DOK7: variants seen among roughly 807,000 people sequenced by gnomAD.
DOK7 encodes the protein protein Dok-7.
A neutral mutation model predicts 30.7 loss-of-function variants in DOK7; 32 were observed. That is an observed-to-expected ratio of 1.04 (90% CI 0.79 to 1.40). The LOEUF is 1.40. Among genes scored for constraint, DOK7 ranks in the 40% most tolerant of loss-of-function variants. DOK7 has a pLI of 0.00. For missense variants in DOK7, 1,007 were observed against 699.2 expected (o/e 1.44, Z -4.97); for synonymous variants, 447 against 324.1 (o/e 1.38, Z -4.07).
In DOK7 at chr4:3,493,247, C is replaced by G. The variant is rs762750080; in HGVS notation, c.1261C>G (p.Pro421Ala). ...CCTGGCTCCTAGAGACCACAGCCCCCCCTCACAGGGCAGCCCCGGCAACAG... is the reference window on the plus strand; with the variant it reads ...CCTGGCTCCTAGAGACCACAGCCCCGCCTCACAGGGCAGCCCCGGCAACAG... The part of the protein sequence containing the change: ...LCLAPRDHSP[P>A]SQGSPGNSAA... The change falls in exon 7 of 7, where the codon CCC becomes GCC. Residue 421 changes from proline (P) to alanine (A), a missense_variant. Transcript: ENST00000340083. 6.2e-6 allele frequency: 10 copies of G among 1,611,892 alleles called. No individual in the cohort carries two copies. Among genetic ancestry groups the G allele is most frequent in the Admixed American group, 3.3e-5 (2 of 59,964 alleles).
chr4:3,464,655 G>T (rs1726173190), intron 2 of DOK7, among the ~76,000 whole-genome samples: 1 of 152,196 alleles, frequency 6.6e-6, no homozygotes, highest in African/African-American at 2.4e-5. Context: ...ATGCTTGGTG[G>T]ATGGTGCTGG....
intron 5 of DOK7, 57 bp from the exon 6 acceptor site, chr4:3,489,620 C>A: frequency 6.4e-7 from 1 of 1,553,226 alleles, no homozygotes; most frequent in South Asian, 1.2e-5. Flanking sequence ...CTGGTGCCTG[C>A]GGGCGAGGGT....
chr4:3,473,909 G>A (rs1287832504), intron 3 of DOK7, among the ~76,000 whole-genome samples: 3 of 152,206 alleles, frequency 2.0e-5, no homozygotes, highest in Non-Finnish European at 4.4e-5. Context: ...GGCCTTTGGA[G>A]GGACGTGGCT....
chr4:3,492,715 C>G, intron 6 of DOK7, 44 bp from the exon 7 acceptor site: 1 of 1,587,674 alleles, frequency 6.3e-7, no homozygotes, highest in Non-Finnish European at 8.5e-7. Context: ...CCTGCCCAGA[C>G]CCCTGTACCC....
chr4:3,469,813 C>T (rs890401773), intron 2 of DOK7, among the ~76,000 whole-genome samples: 1 of 152,078 alleles, frequency 6.6e-6, no homozygotes, highest in South Asian at 2.1e-4. Flanking sequence ...AAAACAGGAT[C>T]GATTTATTGT....
At chr4:3,488,668 T>C (rs1727966271) in intron 5 of DOK7, among the ~76,000 whole-genome samples, 1 of 152,204 alleles carries the variant, frequency 6.6e-6, no homozygotes, top group African/African-American at 2.4e-5. Context: ...AGCAGGTCCT[T>C]GGACCTGTTT....
intron 2 of DOK7, among the ~76,000 whole-genome samples, chr4:3,468,328 G>A (rs1369517020): frequency 7.6e-6 from 1 of 131,414 alleles, no homozygotes; most frequent in African/African-American, 3.3e-5. Flanking sequence ...CTGTGTGTGC[G>A]AGTGTGTGTG....
chr4:3,493,266 G>A lies in DOK7; in HGVS notation c.1280G>A (p.Gly427Asp), dbSNP rs2020433. The A allele has an allele frequency of 4.3e-5, 69 of 1,611,348 alleles. No individual in the cohort carries two copies. The highest frequency in any genetic ancestry group is 5.6e-5 in the Non-Finnish European group (66 of 1,179,468). Residue 427 changes from glycine (G) to aspartate (D), a missense_variant, in exon 7 of 7, where the codon GGC becomes GAC. Coordinates refer to ENST00000340083, the MANE Select transcript of DOK7 (RefSeq NM_173660.5). ...DHSPPSQGSP[G>D]NSAARDSGGQ... ...AGCCCCCCCTCACAGGGCAGCCCCG[G>A]CAACAGTGCGGCCAGGGACTCAGGC...
intron 5 of DOK7, among the ~76,000 whole-genome samples, chr4:3,486,831 G>C (rs914549427): frequency 1.3e-5 from 2 of 152,162 alleles, no homozygotes; most frequent in Admixed American, 1.3e-4. Flanking sequence ...CAAGGCGAGG[G>C]TGTGCAGAGT....
At chr4:3,499,877 C>G (rs1729104382) in intron 6 of DOK7, among the ~76,000 whole-genome samples, 1 of 150,884 alleles carries the variant, frequency 6.6e-6, no homozygotes, top group Non-Finnish European at 1.5e-5. Flanking sequence ...CTGGGACAGC[C>G]AAGGAGGGGC....
chr4:3,490,223 A>AC (rs1560226176), intron 6 of DOK7, among the ~76,000 whole-genome samples: 1 of 54,400 alleles, frequency 1.8e-5, no homozygotes. Flanking sequence ...TCCTGTCTTC[A>AC]CCCCCTCATT....
downstream of DOK7, chr4:3,496,910 G>A (rs550678534): frequency 5.3e-5 from 79 of 1,504,412 alleles, no homozygotes; most frequent in Admixed American, 1.6e-3. Flanking sequence ...AGGAAGGCGG[G>A]AGTCTGGGTG....
intron 4 of DOK7, among the ~76,000 whole-genome samples, chr4:3,481,781 G>A (rs1577160201): frequency 6.6e-6 from 1 of 152,326 alleles, no homozygotes; most frequent in Middle Eastern, 3.4e-3. Context: ...TATTCAGATG[G>A]AAACCATCTT....
chr4:3,491,812 AGGT>A (rs1462438723), intron 6 of DOK7, among the ~76,000 whole-genome samples: 1 of 152,194 alleles, frequency 6.6e-6, no homozygotes, highest in African/African-American at 2.4e-5. Flanking sequence ...TTGTGGGGAG[AGGT>A]GGTGGTGGAA....
intron 2 of DOK7, among the ~76,000 whole-genome samples, chr4:3,470,061 C>T (rs948550277): frequency 6.6e-6 from 1 of 152,190 alleles, no homozygotes; most frequent in African/African-American, 2.4e-5. Flanking sequence ...GGAGTTAGAG[C>T]TCTGCAGTCG....
intron 4 of DOK7, among the ~76,000 whole-genome samples, chr4:3,477,492 G>A (rs1727168158): frequency 6.6e-6 from 1 of 152,274 alleles, no homozygotes; most frequent in Non-Finnish European, 1.5e-5. Context: ...TGGGGCACGG[G>A]CGCAAGCCCA....
intron 4 of DOK7, among the ~76,000 whole-genome samples, chr4:3,477,529 TGCGCTGG>T (rs1165459394): frequency 2.6e-5 from 4 of 152,272 alleles, no homozygotes; most frequent in Non-Finnish European, 4.4e-5. Context: ...TGCCACCTTC[TGCGCTGG>T]GCGCTGGGAG....
intron 2 of DOK7, among the ~76,000 whole-genome samples, chr4:3,469,127 G>C (rs1437805643): frequency 6.8e-6 from 1 of 146,992 alleles, no homozygotes; most frequent in Non-Finnish European, 1.5e-5. Context: ...TGCACACATT[G>C]TGTGTGTGCG....
At chr4:3,496,814 G>A, downstream of DOK7, 1 of 1,536,102 alleles carries the variant, frequency 6.5e-7, no homozygotes, top group Admixed American at 2.0e-5. Context: ...GTTCTCTTTG[G>A]TCTAGGGAGC....
Sources: gnomAD v4.1 joint callset for allele counts (sites outside exome capture counted in the v4.1 genomes callset) on GRCh38, gnomAD v4.1.1 for gene constraint, MANE v1.5 for transcripts, NCBI Gene and HGNC (gene_info 2026-07-23, HGNC 2026-07-21) for gene names.